The following SLC12A1 variants were observed in gnomAD, a reference collection of about 807,000 sequenced individuals.
The protein encoded by SLC12A1 is solute carrier family 12 member 1.
SLC12A1 carries 89 observed loss-of-function variants against 130.4 expected under a neutral mutation model. The ratio of observed to expected loss-of-function variants is 0.68; its 90% confidence interval spans 0.58 to 0.81. The LOEUF is 0.81. Among genes scored for constraint, SLC12A1 ranks in the 40% least tolerant of loss-of-function variants. The pLI is 0.00. For missense variants in SLC12A1, 1,310 were observed against 1,336.4 expected (o/e 0.98, Z 0.31); for synonymous variants, 499 against 460.0 (o/e 1.08, Z -1.09).
At chr15:48,249,798 A>C in intron 14 of SLC12A1, 122 bp downstream of exon 14, 1 of 694,546 alleles carries the variant, frequency 1.4e-6, no homozygotes, top group Non-Finnish European at 2.5e-6. Flanking sequence ...CCTAGTGGGA[A>C]GCGTAATCCA....
At chr15:48,243,532 T>C (rs1262977456) in intron 10 of SLC12A1, among the ~76,000 whole-genome samples, 1 of 152,306 alleles carries the variant, frequency 6.6e-6, no homozygotes, top group Admixed American at 6.5e-5. Flanking sequence ...GGCAGGCACC[T>C]GTAATCCCAG....
chr15:48,289,431 T>TATATATATA (rs60463295), intron 23 of SLC12A1, among the ~76,000 whole-genome samples: 4,092 of 121,284 alleles, frequency 0.034, 260 homozygotes, highest in African/African-American at 0.037. Flanking sequence ...ATATATATAA[T>TATATATATA]GTATAACTAT....
Position 48,255,897 on chromosome 15 carries a change from G to A in SLC12A1, c.2029G>A (p.Val677Ile), listed in dbSNP as rs372103927. 13 of 1,593,104 alleles carry A rather than the reference G, an allele frequency of 8.2e-6. No homozygotes were observed. Among genetic ancestry groups the A allele is most frequent in the South Asian group, 3.4e-5 (3 of 87,364 alleles). Residue 677 changes from valine (V) to isoleucine (I), a missense_variant, in exon 16 of 27, where the codon GTA becomes ATA. Val to Ile is a conservative substitution (Grantham distance 29, BLOSUM62 3). Transcript: ENST00000380993. ...GGAATTAACCACAGTGGAAGACCAC[G>A]TAAAAAACTTCAGGTAAAGCTGGTG... ...ALELTTVEDH[V>I]KNFRPQCIVL...
intron 24 of SLC12A1, among the ~76,000 whole-genome samples, chr15:48,297,025 T>A (rs1405827028): frequency 6.6e-6 from 1 of 152,240 alleles, no homozygotes; most frequent in Admixed American, 6.5e-5. Flanking sequence ...GGAATTACTT[T>A]CACATATAAC....
chr15:48,208,370 C>A (rs1227274217), intron 2 of SLC12A1, among the ~76,000 whole-genome samples: 1 of 151,948 alleles, frequency 6.6e-6, no homozygotes, highest in Non-Finnish European at 1.5e-5. Context: ...TGTCACCCAG[C>A]CTGAAGTGTG....
intron 20 of SLC12A1, among the ~76,000 whole-genome samples, chr15:48,284,592 A>C (rs2042038388): frequency 6.6e-6 from 1 of 152,172 alleles, no homozygotes; most frequent in African/African-American, 2.4e-5. Flanking sequence ...CTGTTTTTCT[A>C]AGCTAGTTGT....
rs1597456223 is a variant in SLC12A1 at position 48,288,172 on chromosome 15, G to A, written c.2759G>A (p.Gly920Glu). 6.2e-7 allele frequency: 1 copy of A among 1,608,054 alleles called. No homozygotes were observed. The highest frequency in any genetic ancestry group is 8.5e-7 in the Non-Finnish European group (1 of 1,177,122). ...TIDVWWLFDDGGLTLLIPYIL... is the reference protein window; with the variant it reads ...TIDVWWLFDDEGLTLLIPYIL... Reference sequence around the variant, plus strand: ...GATGTTTGGTGGTTGTTTGATGATGGAGGTAAAAACTTTCAGAAAATACAC... The same window carrying A: ...GATGTTTGGTGGTTGTTTGATGATGAAGGTAAAAACTTTCAGAAAATACAC... Residue 920 changes from glycine to glutamate, a missense_variant and splice_region_variant, in exon 22 of 27, where the codon GGA becomes GAA. Transcript: ENST00000380993.
rs1567311211 is a variant in SLC12A1 at position 48,229,309 on chromosome 15, CTG to C, written c.847_848del (p.Val283SerfsTer5). The C allele has an allele frequency of 1.2e-6, 2 of 1,602,674 alleles. No individual in the cohort carries two copies. On this transcript the variant is annotated frameshift_variant, in exon 6 of 27. Coordinates refer to ENST00000380993, the MANE Select transcript of SLC12A1 (RefSeq NM_000338.3). LOFTEE classifies it high-confidence loss of function. ...ATGTATGTGGTGGGATTTGCTGAGA[CTG>C]TAGTAGATCTTCTTAAGGTAATTAA...
At chr15:48,290,924 G>T (rs988047318) in intron 23 of SLC12A1, among the ~76,000 whole-genome samples, 1 of 151,956 alleles carries the variant, frequency 6.6e-6, no homozygotes, top group Admixed American at 6.6e-5. Context: ...TGGTAGTATG[G>T]CACCAATGTT....
intron 11 of SLC12A1, among the ~76,000 whole-genome samples, chr15:48,246,675 G>A (rs1372464317): frequency 2.0e-5 from 3 of 152,142 alleles, no homozygotes; most frequent in Non-Finnish European, 4.4e-5. Context: ...CAGCTACTCG[G>A]TAGGCTAAGG....
At chr15:48,247,883 G>T (rs565311039) in intron 13 of SLC12A1, among the ~76,000 whole-genome samples, 1 of 152,232 alleles carries the variant, frequency 6.6e-6, no homozygotes, top group African/African-American at 2.4e-5. Context: ...GAGACTTCAG[G>T]CCCAATTCCA....
At chr15:48,242,668 G>A (rs933580964) in intron 10 of SLC12A1, among the ~76,000 whole-genome samples, 3 of 152,064 alleles carry the variant, frequency 2.0e-5, no homozygotes, top group Admixed American at 6.6e-5. Flanking sequence ...CGGGCGTGGC[G>A]GCACACACCT....
At chr15:48,240,030 CAT>C (rs796802835) in intron 9 of SLC12A1, among the ~76,000 whole-genome samples, 7 of 13,122 alleles carry the variant, frequency 5.3e-4, no homozygotes, top group South Asian at 2.7e-3. Context: ...TATATATATC[CAT>C]ATATATATAT....
At chr15:48,217,728 T>C (rs1228498714) in intron 2 of SLC12A1, 1 of 152,206 alleles carries the variant, frequency 6.6e-6, no homozygotes, top group Admixed American at 6.5e-5. Context: ...GATAAGAAAC[T>C]AGGATATCTG....
chr15:48,247,979 A>G (rs1298242543), intron 13 of SLC12A1, among the ~76,000 whole-genome samples: 1 of 152,214 alleles, frequency 6.6e-6, no homozygotes, highest in Non-Finnish European at 1.5e-5. Context: ...GCATTTGAGA[A>G]TCACTTACCT....
Position 48,220,705 on chromosome 15 carries a change from T to A in SLC12A1, c.492T>A (p.Ala164=). Residue 164 remains alanine, a synonymous_variant, in exon 3 of 27, where the codon GCT becomes GCA. Transcript: ENST00000380993. ...ATGGGATACCTGGAGATGAACAAGC[T>A]GAAAATAAGGAAGATGATCAAGCTG... ...NGDGIPGDEQ[A]ENKEDDQAGV... is the part of the protein sequence containing the mutation. 6.2e-7 allele frequency: 1 copy of A among 1,613,828 alleles called. No homozygotes were observed. Among genetic ancestry groups the A allele is most frequent in the Non-Finnish European group, 8.5e-7 (1 of 1,179,822 alleles).
intron 2 of SLC12A1, among the ~76,000 whole-genome samples, chr15:48,220,131 GTAGATAGATAGA>G (rs71120609): frequency 0.01 from 1,077 of 105,758 alleles, 8 homozygotes; most frequent in African/African-American, 0.025. Context: ...AAAAAAAAAG[GTAGATAGATAGA>G]TAGATAGATA....
At chr15:48,287,930 A>G in intron 21 of SLC12A1, 113 bp from the exon 22 acceptor site, 3 of 1,172,888 alleles carry the variant, frequency 2.6e-6, no homozygotes, top group South Asian at 1.9e-5. Context: ...TTTTAGGTAT[A>G]ATAAACATGA....
In SLC12A1 at chr15:48,220,901, A is replaced by G. The variant is rs967645645; in HGVS notation, c.553-20A>G. ...ACTATCGTTTGTCCTGTCTCCTTTC[A>G]ATACCGCTTCTATCCACAGGTAAGA... On this transcript the variant is annotated intron_variant, in intron 3 of 26. Coordinates refer to ENST00000380993, the MANE Select transcript of SLC12A1 (RefSeq NM_000338.3). The G allele has an allele frequency of 1.9e-6, 3 of 1,613,550 alleles. No homozygotes were observed. Among genetic ancestry groups the G allele is most frequent in the Non-Finnish European group, 2.5e-6 (3 of 1,179,586 alleles).
Sources: allele counts gnomAD v4.1 joint callset (sites outside exome capture counted in the v4.1 genomes callset), GRCh38; gene constraint gnomAD v4.1.1; transcripts MANE v1.5; gene names NCBI Gene and HGNC (gene_info 2026-07-23, HGNC 2026-07-21).